SYT16: variants seen among roughly 807,000 people sequenced by gnomAD.
SYT16 encodes synaptotagmin-16.
A neutral mutation model predicts 61.4 loss-of-function variants in SYT16; 42 were observed. That is an observed-to-expected ratio of 0.68 (90% CI 0.53 to 0.89). SYT16 has a LOEUF of 0.89. SYT16 is among the 40% of genes least tolerant of loss of function. The pLI is 0.00. For synonymous variants in SYT16, 314 were observed against 302.3 expected (o/e 1.04, Z -0.40); for missense variants, 804 against 807.3 (o/e 1.00, Z 0.05).
At chr14:61,957,251 T>C (rs1326012475) in intron 1 of SYT16, among the ~76,000 whole-genome samples, 1 of 151,946 alleles carries the variant, frequency 6.6e-6, no homozygotes, top group African/African-American at 2.4e-5. Context: ...GCTTATGGCA[T>C]CTGCAGACAG....
intron 1 of SYT16, among the ~76,000 whole-genome samples, chr14:61,910,556 G>T (rs1308000101): frequency 2.8e-5 from 4 of 143,984 alleles, no homozygotes; most frequent in Non-Finnish European, 1.5e-5. Context: ...TTTGAGACAG[G>T]TTCTCGCTCT....
intron 3 of SYT16, among the ~76,000 whole-genome samples, chr14:62,016,651 T>G (rs886752055): frequency 4.5e-4 from 68 of 151,780 alleles, no homozygotes; most frequent in African/African-American, 1.6e-3. Flanking sequence ...AGGCAGAGCT[T>G]GAAGTGAGCT....
Position 62,014,335 on chromosome 14 carries a change from C to G in SYT16, c.523+17793C>G, listed in dbSNP as rs758876030. 1.1e-4 allele frequency among the ~76,000 whole-genome samples: 17 copies of G among 152,238 alleles called. 1 individual carries two copies. The highest frequency in any genetic ancestry group is 6.2e-4 in the South Asian group (3 of 4,822). ...AATCTCTTATCCTTCACAGCTCCCC[C>G]ACCTTGCCTATATTTTGTTCAGTAT... On this transcript the variant is annotated intron_variant, in intron 3 of 7. Transcript: ENST00000683842.
intron 2 of SYT16, among the ~76,000 whole-genome samples, chr14:61,988,357 T>C (rs997108492): frequency 2.0e-5 from 3 of 152,212 alleles, no homozygotes; most frequent in Non-Finnish European, 4.4e-5. Flanking sequence ...ATTAAAGCCA[T>C]GTTAAATAGT....
In SYT16 at chr14:62,104,378, A is replaced by G. The variant is rs956652659; in HGVS notation, c.*3671A>G. The G allele has an allele frequency of 8.5e-5, 13 of 152,222 alleles. No homozygotes were observed. Among genetic ancestry groups the G allele is most frequent in the East Asian group, 5.8e-4 (3 of 5,200 alleles). 9.4% of individuals were successfully genotyped at this position (152,222 alleles called of 1,614,324 possible). A position where few individuals can be genotyped will look rare whatever the true frequency, so the allele number is the denominator to read the frequency against. On this transcript the variant is annotated 3_prime_UTR_variant, in exon 8 of 8. Transcript: ENST00000683842. Reference sequence around the variant, plus strand: ...CTGTGGTTAAAGAACATTCTATTCTATTTGATCTAAGAGCAAAGCAAATGA... The same window carrying G: ...CTGTGGTTAAAGAACATTCTATTCTGTTTGATCTAAGAGCAAAGCAAATGA...
intron 3 of SYT16, among the ~76,000 whole-genome samples, chr14:62,049,973 T>C (rs185029486): frequency 1.3e-5 from 2 of 152,096 alleles, no homozygotes; most frequent in Non-Finnish European, 2.9e-5. Flanking sequence ...TCTCAAAGAG[T>C]ATCTTTGTGG....
intron 7 of SYT16, among the ~76,000 whole-genome samples, chr14:62,087,901 A>T (rs762597912): frequency 3.9e-5 from 6 of 152,114 alleles, no homozygotes; most frequent in Non-Finnish European, 5.9e-5. Flanking sequence ...CCAATAATAG[A>T]AATGTGAGTC....
At chr14:62,008,752 C>T (rs2053326812) in intron 3 of SYT16, among the ~76,000 whole-genome samples, 1 of 150,348 alleles carries the variant, frequency 6.7e-6, no homozygotes, top group Non-Finnish European at 1.5e-5. Flanking sequence ...CAACTTTTTT[C>T]CTTCCTTCTC....
chr14:61,892,685 A>T (rs1336062892), intron 1 of SYT16, among the ~76,000 whole-genome samples: 1 of 152,132 alleles, frequency 6.6e-6, no homozygotes, highest in Non-Finnish European at 1.5e-5. Context: ...TTTAGAACCG[A>T]TGGGGGGTGG....
chr14:61,992,596 T>TC (rs1373539405), intron 2 of SYT16, among the ~76,000 whole-genome samples: 2 of 152,020 alleles, frequency 1.3e-5, no homozygotes, highest in East Asian at 3.9e-4. Context: ...GCCTTTAGGA[T>TC]CCCCCCAGCA....
intron 1 of SYT16, among the ~76,000 whole-genome samples, chr14:61,964,839 T>C (rs1026951316): frequency 1.3e-5 from 2 of 151,876 alleles, no homozygotes; most frequent in African/African-American, 4.8e-5. Flanking sequence ...AGCCATAACA[T>C]TGAGACATCC....
intron 3 of SYT16, among the ~76,000 whole-genome samples, chr14:62,029,022 C>A (rs921341986): frequency 7.2e-5 from 11 of 152,146 alleles, no homozygotes; most frequent in Admixed American, 2.0e-4. Flanking sequence ...TCCCTCAGTG[C>A]AAAATTCAGA....
intron 3 of SYT16, among the ~76,000 whole-genome samples, chr14:62,019,759 G>C (rs998844920): frequency 1.3e-5 from 2 of 152,182 alleles, no homozygotes; most frequent in African/African-American, 2.4e-5. Flanking sequence ...GTCATGGGAA[G>C]TCCCTGTTCC....
chr14:62,096,250 C>T (rs977790067), intron 7 of SYT16, among the ~76,000 whole-genome samples: 9 of 151,968 alleles, frequency 5.9e-5, no homozygotes, highest in Non-Finnish European at 1.0e-4. Context: ...CTGCAACTGA[C>T]TATAAATGAA....
rs76633466 is a variant in SYT16, at chr14:61,865,150, C to G, written c.-325+52340C>G. 2.5e-4 allele frequency: 307 copies of G among 1,249,810 alleles called. 1 individual carries two copies. The African/African-American group carries it at 4.3e-3, about 18-fold the overall frequency. The allele number at this position is 1,249,810 out of a possible 1,614,324, so 77.4% of individuals were successfully genotyped here. A position where few individuals can be genotyped will look rare whatever the true frequency, so the allele number is the denominator to read the frequency against. The stretch of plus-strand genomic sequence containing the variant: ...GCTCCTCAGCCACCGATAAATGCCG[C>G]TCCCTGCAGTTACTGGGCCCAGAGG... On this transcript the variant is annotated intron_variant, in intron 1 of 7. Coordinates refer to ENST00000683842, the MANE Select transcript of SYT16 (RefSeq NM_001367656.1).
intron 1 of SYT16, among the ~76,000 whole-genome samples, chr14:61,892,657 A>C (rs2048178024): frequency 6.6e-6 from 1 of 152,130 alleles, no homozygotes; most frequent in South Asian, 2.1e-4. Context: ...CATTTGGCTG[A>C]TGTGGGGACC....
chr14:62,041,789 A>C (rs776609926), intron 3 of SYT16, among the ~76,000 whole-genome samples: 7 of 152,064 alleles, frequency 4.6e-5, no homozygotes, highest in African/African-American at 1.4e-4. Context: ...TGCCACCTGA[A>C]ATTGTCCCAC....
At chr14:62,075,576 C>T (rs2056460112) in intron 5 of SYT16, among the ~76,000 whole-genome samples, 185 bp downstream of exon 5, 2 of 133,388 alleles carry the variant, frequency 1.5e-5, no homozygotes, top group Admixed American at 1.6e-4. Flanking sequence ...ATAAATTTCT[C>T]TCAAAATGGA....
intron 3 of SYT16, among the ~76,000 whole-genome samples, chr14:61,999,521 T>C (rs1039541497): frequency 1.4e-4 from 22 of 151,844 alleles, no homozygotes; most frequent in African/African-American, 4.8e-4. Flanking sequence ...AGAGGATTAT[T>C]TGTCTATCCA....
Sources: gnomAD v4.1 joint callset for allele counts (sites outside exome capture counted in the v4.1 genomes callset) on GRCh38, gnomAD v4.1.1 for gene constraint, MANE v1.5 for transcripts, NCBI Gene and HGNC (gene_info 2026-07-23, HGNC 2026-07-21) for gene names.